SHISA9: variants seen among roughly 807,000 people sequenced by gnomAD.
SHISA9 encodes the protein protein shisa-9.
A neutral mutation model predicts 38.0 loss-of-function variants in SHISA9; 13 were observed. The observed-to-expected ratio is 0.34, with a 90% CI of 0.22 to 0.54. The LOEUF (loss-of-function observed/expected upper bound fraction) is 0.54. SHISA9 is among the 20% of genes least tolerant of loss of function. SHISA9 has a pLI of 0.91. For synonymous variants in SHISA9, 275 were observed against 242.0 expected (o/e 1.14, Z -1.27); for missense variants, 538 against 575.8 (o/e 0.93, Z 0.67).
At chr16:13,137,152 C>A (rs1396719702) in intron 2 of SHISA9, among the ~76,000 whole-genome samples, 2 of 152,170 alleles carry the variant, frequency 1.3e-5, no homozygotes, top group Admixed American at 6.5e-5. Context: ...GCCTTGGCAA[C>A]AATCCTAACC....
intron 3 of SHISA9, among the ~76,000 whole-genome samples, chr16:13,210,354 C>T (rs1211232217): frequency 6.6e-6 from 1 of 152,060 alleles, no homozygotes; most frequent in Non-Finnish European, 1.5e-5. Flanking sequence ...CTCAATGCAA[C>T]CTTGGCCATT....
the SHISA9 span, among the ~76,000 whole-genome samples, chr16:13,560,620 A>G: frequency 6.6e-6 from 1 of 152,138 alleles, no homozygotes; most frequent in Non-Finnish European, 1.5e-5. Context: ...TCCAGGTTCC[A>G]TGCTAGGTTC....
intron 2 of SHISA9, among the ~76,000 whole-genome samples, chr16:13,027,449 T>C (rs950993106): frequency 6.6e-6 from 1 of 152,142 alleles, no homozygotes; most frequent in African/African-American, 2.4e-5. Flanking sequence ...TCTGTATCTA[T>C]CCAAGAGAAT....
intron 3 of SHISA9, among the ~76,000 whole-genome samples, chr16:13,208,374 GT>G (rs1418634940): frequency 6.7e-6 from 1 of 148,832 alleles, no homozygotes; most frequent in African/African-American, 2.5e-5. Context: ...TTTTATTTTT[GT>G]TTGCTTGTTG....
intron 2 of SHISA9, among the ~76,000 whole-genome samples, chr16:13,140,564 C>A (rs1052884493): frequency 6.6e-6 from 1 of 152,156 alleles, no homozygotes; most frequent in African/African-American, 2.4e-5. Context: ...ATAGCAAGTT[C>A]TGCATTTAAT....
At chr16:13,524,100 A>G in the SHISA9 span, among the ~76,000 whole-genome samples, 4 of 152,146 alleles carry the variant, frequency 2.6e-5, no homozygotes, top group Non-Finnish European at 5.9e-5. Flanking sequence ...GTTCTTGACC[A>G]TTATGCTATA....
chr16:13,286,292 T>A, the SHISA9 span, among the ~76,000 whole-genome samples: 1 of 152,192 alleles, frequency 6.6e-6, no homozygotes, highest in Non-Finnish European at 1.5e-5. Flanking sequence ...GTCACAGGCA[T>A]GCATCCTTAA....
intron 2 of SHISA9, among the ~76,000 whole-genome samples, chr16:12,986,038 A>C (rs1217445615): frequency 6.6e-6 from 1 of 152,152 alleles, no homozygotes; most frequent in Non-Finnish European, 1.5e-5. Flanking sequence ...ACTTCGATTA[A>C]AGGCCCCACG....
chr16:13,271,933 G>C, the SHISA9 span, among the ~76,000 whole-genome samples: 1 of 152,044 alleles, frequency 6.6e-6, no homozygotes, highest in African/African-American at 2.4e-5. Flanking sequence ...ACAAAAATTA[G>C]CCGGGCATGG....
intron 2 of SHISA9, among the ~76,000 whole-genome samples, chr16:13,151,730 C>T (rs2050501413): frequency 6.6e-6 from 1 of 152,192 alleles, no homozygotes; most frequent in African/African-American, 2.4e-5. Flanking sequence ...AAACAGATTT[C>T]CCTGATGATC....
chr16:13,027,791 G>A (rs1169053066), intron 2 of SHISA9, among the ~76,000 whole-genome samples: 1 of 151,828 alleles, frequency 6.6e-6, no homozygotes, highest in South Asian at 2.1e-4. Flanking sequence ...GCTGGGTATG[G>A]TGGTGCACTC....
At chr16:13,552,036 A>G in the SHISA9 span, among the ~76,000 whole-genome samples, 1 of 152,184 alleles carries the variant, frequency 6.6e-6, no homozygotes, top group South Asian at 2.1e-4. Flanking sequence ...GAAAAGAAAA[A>G]AAAATACAAT....
At chr16:13,060,457 T>A (rs1217658810) in intron 2 of SHISA9, among the ~76,000 whole-genome samples, 1 of 151,780 alleles carries the variant, frequency 6.6e-6, no homozygotes, top group East Asian at 1.9e-4. Flanking sequence ...TTGGAACGGA[T>A]CACAGAGGGT....
At chr16:13,471,668 C>T in the SHISA9 span, among the ~76,000 whole-genome samples, 1 of 142,656 alleles carries the variant, frequency 7.0e-6, no homozygotes, top group Non-Finnish European at 1.5e-5. Flanking sequence ...AGCTACCTGA[C>T]CTGCAGTGGA....
intron 2 of SHISA9, among the ~76,000 whole-genome samples, chr16:13,198,184 CA>C (rs1009920519): frequency 6.7e-5 from 10 of 148,504 alleles, no homozygotes; most frequent in South Asian, 2.1e-4. Context: ...GACTCCATCT[CA>C]AAAAAAAAAT....
chr16:13,303,268 G>A, the SHISA9 span, among the ~76,000 whole-genome samples: 3 of 152,276 alleles, frequency 2.0e-5, no homozygotes, highest in South Asian at 6.2e-4. Flanking sequence ...AAAAATACAT[G>A]TGCATGTATG....
the SHISA9 span, among the ~76,000 whole-genome samples, chr16:13,252,005 T>C: frequency 2.0e-5 from 3 of 152,346 alleles, no homozygotes; most frequent in Middle Eastern, 3.4e-3. Context: ...TAAAGAATTC[T>C]GCAACAATGC....
intron 1 of SHISA9, among the ~76,000 whole-genome samples, chr16:12,915,815 GACAC>G (rs1313795425): frequency 1.3e-5 from 2 of 152,114 alleles, no homozygotes; most frequent in Non-Finnish European, 2.9e-5. Flanking sequence ...TTATGTAAAA[GACAC>G]ACACATATAC....
At chr16:13,517,603 G>T in the SHISA9 span, among the ~76,000 whole-genome samples, 1 of 152,166 alleles carries the variant, frequency 6.6e-6, no homozygotes, top group East Asian at 1.9e-4. Flanking sequence ...TTTCTTTCAA[G>T]CTTTCCCAGT....
Sources: gnomAD v4.1 joint callset for allele counts (sites outside exome capture counted in the v4.1 genomes callset) on GRCh38, gnomAD v4.1.1 for gene constraint, MANE v1.5 for transcripts, NCBI Gene and HGNC (gene_info 2026-07-23, HGNC 2026-07-21) for gene names.